Variants in NCAPD3 observed in about 807,000 individuals in gnomAD.
NCAPD3 encodes the protein condensin-2 complex subunit D3.
A neutral mutation model predicts 182.9 loss-of-function variants in NCAPD3; 105 were observed. That is an observed-to-expected ratio of 0.57 (90% CI 0.49 to 0.68). NCAPD3 has a LOEUF of 0.68. Ranked by LOEUF, NCAPD3 falls within the 30% of genes least tolerant of loss-of-function variation. NCAPD3 has a pLI of 0.00. For missense variants in NCAPD3, 1,944 were observed against 1,837.0 expected, an observed-to-expected ratio of 1.06 and a Z score of -1.07; for synonymous variants, 815 against 679.9, an observed-to-expected ratio of 1.20 and a Z score of -3.09.
chr11:134,183,257 T>C (rs1293653282), intron 19 of NCAPD3: 9 of 437,308 alleles, frequency 2.1e-5, no homozygotes, highest in Non-Finnish European at 4.1e-5. Flanking sequence ...TGTGGTTTCA[T>C]AGTCTGTAAC....
At chr11:134,156,005 T>A (rs534333363) in intron 32 of NCAPD3, among the ~76,000 whole-genome samples, 1 of 151,772 alleles carries the variant, frequency 6.6e-6, no homozygotes, top group African/African-American at 2.4e-5. Context: ...TCCACACACA[T>A]GAGCTGACTG....
intron 27 of NCAPD3, among the ~76,000 whole-genome samples, chr11:134,163,131 T>C (rs1294864059): frequency 6.6e-6 from 1 of 152,130 alleles, no homozygotes; most frequent in Non-Finnish European, 1.5e-5. Context: ...CAGAAGTTCT[T>C]GTTTACCTTG....
chr11:134,169,223 A>G (rs1350141914), intron 24 of NCAPD3, among the ~76,000 whole-genome samples, 169 bp from the exon 25 acceptor site: 1 of 152,224 alleles, frequency 6.6e-6, no homozygotes, highest in African/African-American at 2.4e-5. Context: ...AAATTCAGCT[A>G]TTTGGTCTGT....
At chr11:134,224,339 C>T (rs941335544), upstream of NCAPD3, 15 of 276,666 alleles carry the variant, frequency 5.4e-5, no homozygotes, top group African/African-American at 3.2e-4. Flanking sequence ...CTGCCTTTCC[C>T]GTCAGCACTC....
intron 16 of NCAPD3, among the ~76,000 whole-genome samples, chr11:134,187,333 T>C (rs532757897): frequency 6.6e-6 from 1 of 152,218 alleles, no homozygotes; most frequent in Non-Finnish European, 1.5e-5. Flanking sequence ...AAAAGCTCTA[T>C]TCTTAGTCCT....
intron 24 of NCAPD3, among the ~76,000 whole-genome samples, chr11:134,169,439 T>A (rs1565529027): frequency 6.6e-6 from 1 of 152,220 alleles, no homozygotes; most frequent in Non-Finnish European, 1.5e-5. Context: ...AGAAAAGGGA[T>A]ATCTGGCCTT....
intron 19 of NCAPD3, among the ~76,000 whole-genome samples, chr11:134,183,433 T>C (rs182471819): frequency 1.7e-3 from 254 of 152,220 alleles, no homozygotes; most frequent in African/African-American, 5.9e-3. Context: ...CTGGGCCTGA[T>C]AGCATGTGCC....
chr11:134,181,043 G>A, intron 20 of NCAPD3, 34 bp downstream of exon 20: 1 of 1,492,990 alleles, frequency 6.7e-7, no homozygotes, highest in Non-Finnish European at 9.3e-7. Flanking sequence ...TAAAATGGAA[G>A]CGAAAAGAAT....
intron 27 of NCAPD3, 55 bp from the exon 28 acceptor site, chr11:134,161,946 CTCTCCTTGATCTAGT>C: frequency 1.1e-6 from 1 of 873,830 alleles, no homozygotes; most frequent in African/African-American, 1.8e-5. Context: ...AAAGACAGGC[CTCTCCTTGATCTAGT>C]TCTTTGAGTA....
intron 24 of NCAPD3, among the ~76,000 whole-genome samples, chr11:134,174,638 C>T (rs1424154312): frequency 1.3e-5 from 2 of 152,024 alleles, no homozygotes; most frequent in East Asian, 1.9e-4. Context: ...TATAAAATTA[C>T]AGGAGGAGTA....
chr11:134,203,168 G>C lies in NCAPD3; in HGVS notation c.1499C>G (p.Pro500Arg), dbSNP rs747335577. Reference sequence around the variant, plus strand: ...TGATGAATTTCTCAGTAAGGTACCAGGGTGACTCTCTATTACAGAAAACGT... The same window carrying C: ...TGATGAATTTCTCAGTAAGGTACCACGGTGACTCTCTATTACAGAAAACGT... Reference protein sequence around the residue: ...SPTFSVIESHPGTLLRNSSAF... With the variant: ...SPTFSVIESHRGTLLRNSSAF... Residue 500 changes from proline (P) to arginine (R), a missense_variant, in exon 12 of 35, where the codon CCT becomes CGT. Transcript: ENST00000534548. The C allele has an allele frequency of 2.5e-6, 4 of 1,597,280 alleles. No individual in the cohort carries two copies. The highest frequency in any genetic ancestry group is 3.4e-6 in the Non-Finnish European group (4 of 1,165,018).
At chr11:134,159,447 C>T (rs1360705348) in intron 29 of NCAPD3, among the ~76,000 whole-genome samples, 1 of 152,242 alleles carries the variant, frequency 6.6e-6, no homozygotes, top group African/African-American at 2.4e-5. Context: ...CTTGTAGATG[C>T]TGTGGCATGA....
intron 29 of NCAPD3, among the ~76,000 whole-genome samples, chr11:134,159,559 T>C (rs1368237390): frequency 6.6e-6 from 1 of 152,210 alleles, no homozygotes; most frequent in Non-Finnish European, 1.5e-5. Context: ...CTCCTAGAAA[T>C]GGCCGTGTGC....
chr11:134,225,425 G>A (rs1022055851), upstream of NCAPD3: 9 of 1,402,266 alleles, frequency 6.4e-6, no homozygotes, highest in African/African-American at 1.4e-5. Flanking sequence ...CAGCTCCTCC[G>A]GCGAGGCCTG....
intron 27 of NCAPD3, 59 bp from the exon 28 acceptor site, chr11:134,161,950 C>T (rs1943594525): frequency 2.3e-6 from 2 of 880,094 alleles, no homozygotes; most frequent in Non-Finnish European, 3.5e-6. Flanking sequence ...ACAGGCCTCT[C>T]CTTGATCTAG....
rs1020883818 is a variant in NCAPD3, at chr11:134,155,605, C to T, written c.4252+1413G>A. Among the ~76,000 whole-genome samples the T allele has an allele frequency of 7.2e-5, 11 of 152,126 alleles. No homozygotes were observed. In the South Asian group the frequency reaches 8.3e-4, roughly 11 times the overall value. On this transcript the variant is annotated intron_variant, in intron 32 of 34. Coordinates refer to ENST00000534548, the MANE Select transcript of NCAPD3 (RefSeq NM_015261.3). ...CGCCAGGCTGCCCTGTGGAGAAACA[C>T]GAGCTGCTAGGAAACAACCCAACAC...
upstream of NCAPD3, chr11:134,225,105 G>C: frequency 2.5e-6 from 4 of 1,585,198 alleles, no homozygotes; most frequent in Non-Finnish European, 3.4e-6. Flanking sequence ...ACCGAGACCC[G>C]CCCGGCCCGG....
At chr11:134,208,182 T>C (rs1488617212) in intron 7 of NCAPD3, among the ~76,000 whole-genome samples, 1 of 152,226 alleles carries the variant, frequency 6.6e-6, no homozygotes, top group African/African-American at 2.4e-5. Context: ...TTACTGCCTC[T>C]GCAAGGTAAC....
intron 3 of NCAPD3, among the ~76,000 whole-genome samples, chr11:134,216,022 T>C (rs1049921312): frequency 6.6e-6 from 1 of 152,192 alleles, no homozygotes; most frequent in Non-Finnish European, 1.5e-5. Context: ...ATCTCAACCT[T>C]AATCAGAAGA....
Sources: gnomAD v4.1 joint callset for allele counts (sites outside exome capture counted in the v4.1 genomes callset) on GRCh38, gnomAD v4.1.1 for gene constraint, MANE v1.5 for transcripts, NCBI Gene and HGNC (gene_info 2026-07-23, HGNC 2026-07-21) for gene names.